SPINT4: variants seen among roughly 807,000 people sequenced by gnomAD.
The protein encoded by SPINT4 is serine peptidase inhibitor, Kunitz type 4, also known as kunitz-type protease inhibitor 4.
SPINT4 carries 7 observed loss-of-function variants against 9.4 expected under a neutral mutation model. The observed-to-expected ratio is 0.74, with a 90% CI of 0.42 to 1.40. The LOEUF (loss-of-function observed/expected upper bound fraction) is 1.40, where lower values mean the gene tolerates loss of function less well. Among genes scored for constraint, SPINT4 ranks in the 40% most tolerant of loss-of-function variants. The pLI is 0.01. For missense variants in SPINT4, 105 were observed against 114.4 expected (o/e 0.92, Z 0.37); for synonymous variants, 36 against 39.9 (o/e 0.90, Z 0.37).
intron 2 of SPINT4, among the ~76,000 whole-genome samples, chr20:45,724,816 C>T (rs1984893509): frequency 3.4e-5 from 5 of 146,688 alleles, no homozygotes; most frequent in Admixed American, 3.4e-4. Flanking sequence ...CCGTCTCTAC[C>T]AAATATACAA....
chr20:45,725,082 C>T (rs1224253722), intron 2 of SPINT4, among the ~76,000 whole-genome samples: 13 of 141,622 alleles, frequency 9.2e-5, no homozygotes, highest in Non-Finnish European at 1.5e-4. Context: ...AAGTACAGTA[C>T]AAGTAACCAA....
intron 1 of SPINT4, among the ~76,000 whole-genome samples, chr20:45,723,331 T>A (rs897330533): frequency 6.6e-6 from 1 of 152,022 alleles, no homozygotes; most frequent in East Asian, 1.9e-4. Context: ...AAGGAGAAGA[T>A]GACGGGGTAT....
chr20:45,724,113 A>G, intron 2 of SPINT4, 56 bp downstream of exon 2: 1 of 1,528,122 alleles, frequency 6.5e-7, no homozygotes, highest in Non-Finnish European at 8.8e-7. Flanking sequence ...AGAGGTTTTG[A>G]CATCCTAAGA....
chr20:45,725,641 T>A lies in SPINT4; in HGVS notation c.*6T>A, dbSNP rs1479783567. ...TTTGCTTAAACAGGAGGTGAGAGGA[T>A]GTGAACTCATGAAGTTGTCTGCTGC... On this transcript the variant is annotated 3_prime_UTR_variant, in exon 3 of 3. Coordinates refer to ENST00000279058, the MANE Select transcript of SPINT4 (RefSeq NM_178455.3). 2 of 1,613,796 alleles carry A rather than the reference T, an allele frequency of 1.2e-6. No individual in the cohort carries two copies. The highest frequency in any genetic ancestry group is 2.2e-5 in the South Asian group (2 of 91,076).
chr20:45,724,995 A>AATAT (rs1156730831), intron 2 of SPINT4, among the ~76,000 whole-genome samples: 1,954 of 36,306 alleles, frequency 0.054, 190 homozygotes, highest in Middle Eastern at 0.091. Context: ...AAAAAAAAAA[A>AATAT]ATATATATAT....
rs1978367209 is a variant in SPINT4, at chr20:45,725,663, C to T, written c.*28C>T. ...GGATGTGAACTCATGAAGTTGTCTGCTGCACCATCCGAAATAAAGACACAA... is the reference window on the plus strand; with the variant it reads ...GGATGTGAACTCATGAAGTTGTCTGTTGCACCATCCGAAATAAAGACACAA... On this transcript the variant is annotated 3_prime_UTR_variant, in exon 3 of 3. Transcript: ENST00000279058. The T allele has an allele frequency of 6.2e-6, 10 of 1,612,946 alleles. No homozygotes were observed. The highest frequency in any genetic ancestry group is 8.5e-6 in the Non-Finnish European group (10 of 1,178,996).
At chr20:45,725,074 G>A (rs1984916978) in intron 2 of SPINT4, among the ~76,000 whole-genome samples, 1 of 138,850 alleles carries the variant, frequency 7.2e-6, no homozygotes, top group Non-Finnish European at 1.5e-5. Flanking sequence ...AAGAAACCAA[G>A]TACAGTACAA....
Position 45,724,031 on chromosome 20 carries a change from A to C in SPINT4, c.267A>C (p.Val89=). 1 of 1,609,260 alleles carries C rather than the reference A, an allele frequency of 6.2e-7. No homozygotes were observed. Among genetic ancestry groups the C allele is most frequent in the Non-Finnish European group, 8.5e-7 (1 of 1,178,746 alleles). ...NNFKLKIERE[V]ACVAKYKPPR ...TCAAGCTTAAAATAGAACGTGAAGTAGCCTGTGTTGCAAAATACAAACCAC... is the reference window on the plus strand; with the variant it reads ...TCAAGCTTAAAATAGAACGTGAAGTCGCCTGTGTTGCAAAATACAAACCAC... The change falls in exon 2 of 3, where the codon GTA becomes GTC. Residue 89 remains valine, a synonymous_variant. Coordinates refer to ENST00000279058, the MANE Select transcript of SPINT4 (RefSeq NM_178455.3).
At chr20:45,724,808 G>A (rs1196624021) in intron 2 of SPINT4, among the ~76,000 whole-genome samples, 7 of 147,506 alleles carry the variant, frequency 4.7e-5, no homozygotes, top group Non-Finnish European at 7.5e-5. Context: ...GTGAAACCCC[G>A]TCTCTACCAA....
At position 45,725,785 on chromosome 20, in the gene SPINT4, T is replaced by C; in HGVS notation, c.*150T>C. The C allele has an allele frequency of 1.0e-6, 1 of 989,586 alleles. No homozygotes were observed. The highest frequency in any genetic ancestry group is 1.6e-6 in the Non-Finnish European group (1 of 637,692). 61.3% of individuals were successfully genotyped at this position (989,586 alleles called of 1,614,324 possible). A position where few individuals can be genotyped will look rare whatever the true frequency, so the allele number is the denominator to read the frequency against. On this transcript the variant is annotated 3_prime_UTR_variant, in exon 3 of 3. Coordinates refer to ENST00000279058, the MANE Select transcript of SPINT4 (RefSeq NM_178455.3). ...TTCCTGACCCTAGTTTTGTCTTTCC[T>C]GGAAATTAACTGTATGATCATTAGA...
chr20:45,724,944 C>T (rs1984897154), intron 2 of SPINT4, among the ~76,000 whole-genome samples: 1 of 103,292 alleles, frequency 9.7e-6, no homozygotes, highest in African/African-American at 4.4e-5. Context: ...CATGCCACTG[C>T]ACTCCAGCCT....
chr20:45,723,442 A>G (rs925780073), intron 1 of SPINT4, among the ~76,000 whole-genome samples: 1 of 133,764 alleles, frequency 7.5e-6, no homozygotes, highest in Non-Finnish European at 1.5e-5. Flanking sequence ...ATTTTGAAGT[A>G]TAGGTAGTAT....
intron 1 of SPINT4, among the ~76,000 whole-genome samples, chr20:45,723,003 T>A (rs1984837946): frequency 6.6e-6 from 1 of 152,108 alleles, no homozygotes; most frequent in Non-Finnish European, 1.5e-5. Context: ...GCACAGTTTA[T>A]ACCGTAAGTC....
chr20:45,722,707 T>C (rs1407693860), intron 1 of SPINT4, among the ~76,000 whole-genome samples: 4 of 152,094 alleles, frequency 2.6e-5, no homozygotes, highest in African/African-American at 9.7e-5. Context: ...GATGGAGACC[T>C]CTTTTATAGG....
intron 2 of SPINT4, among the ~76,000 whole-genome samples, chr20:45,724,460 G>T (rs147659840): frequency 8.1e-5 from 12 of 147,486 alleles, no homozygotes; most frequent in African/African-American, 3.0e-4. Flanking sequence ...GGCGAGCCGA[G>T]ATCGCGCCAT....
rs1302054134 is a variant in SPINT4 at position 45,723,871 on chromosome 20, C to A, written c.116-9C>A. On this transcript the variant is annotated splice_polypyrimidine_tract_variant and intron_variant, in intron 1 of 2. Coordinates refer to ENST00000279058, the MANE Select transcript of SPINT4 (RefSeq NM_178455.3). ...ATTCCCACTAACTCAATGGGAACCT[C>A]TCATGCAGATCCCTGCAAATTGGAC... 1.9e-6 allele frequency: 3 copies of A among 1,571,300 alleles called. No individual in the cohort carries two copies. Among genetic ancestry groups the A allele is most frequent in the Non-Finnish European group, 2.6e-6 (3 of 1,165,444 alleles).
rs145360101 is a variant in SPINT4 at position 45,724,452 on chromosome 20, C to T, written c.293+395C>T. Among the ~76,000 whole-genome samples, 362 of 146,860 alleles carry T rather than the reference C, an allele frequency of 2.5e-3. 3 individuals carry two copies. The highest frequency in any genetic ancestry group is 8.2e-3 in the African/African-American group (326 of 39,884). On this transcript the variant is annotated intron_variant, in intron 2 of 2. Coordinates refer to ENST00000279058, the MANE Select transcript of SPINT4 (RefSeq NM_178455.3). ...AGTTCAGAGGGTTCAGAGGTTGCGG[C>T]GAGCCGAGATCGCGCCATCCATTGC...
rs201946096 is a variant in SPINT4, at chr20:45,724,058, G to A, written c.293+1G>A. 4.2e-5 allele frequency: 68 copies of A among 1,604,332 alleles called. No individual in the cohort carries two copies. Among genetic ancestry groups the A allele is most frequent in the East Asian group, 2.0e-4 (9 of 44,446 alleles). On this transcript the variant is annotated splice_donor_variant, in intron 2 of 2. Transcript: ENST00000279058. LOFTEE classifies it high-confidence loss of function. ...CCTGTGTTGCAAAATACAAACCACC[G>A]TAAGGAATCTAATCCTGTCCTTGGT... is the stretch of plus-strand genomic sequence containing the variant.
At chr20:45,723,573 T>C (rs1984853383) in intron 1 of SPINT4, among the ~76,000 whole-genome samples, 2 of 152,072 alleles carry the variant, frequency 1.3e-5, no homozygotes, top group Non-Finnish European at 2.9e-5. Context: ...AACTGTAAGA[T>C]AGGAAATGTA....
Sources: allele counts gnomAD v4.1 joint callset (sites outside exome capture counted in the v4.1 genomes callset), GRCh38; gene constraint gnomAD v4.1.1; transcripts MANE v1.5; gene names NCBI Gene and HGNC (gene_info 2026-07-23, HGNC 2026-07-21).